The following LGALS7 variants were observed in gnomAD, a reference collection of about 807,000 sequenced individuals.
The protein encoded by LGALS7 is galectin-7.
Under a neutral mutation model 5.7 loss-of-function variants are expected in LGALS7, and 4 were observed. The ratio of observed to expected loss-of-function variants is 0.70; its 90% CI spans 0.34 to 1.60. The LOEUF is 1.60. Among genes scored for constraint, LGALS7 ranks in the 40% most tolerant of loss-of-function variants. The pLI, the probability that LGALS7 is intolerant of heterozygous loss-of-function variation, is 0.05. For missense variants in LGALS7, 12 were observed against 72.7 expected (o/e 0.17, Z 3.04); for synonymous variants, 7 against 33.9 (o/e 0.21, Z 2.76).
intron 1 of LGALS7, 189 bp from the exon 2 acceptor site, chr19:38,773,292 G>C: frequency 4.2e-6 from 1 of 240,492 alleles, no homozygotes; most frequent in African/African-American, 6.6e-5. Flanking sequence ...GAGCAACAAA[G>C]ACAAACAGAA....
In LGALS7 at chr19:38,772,297, G is replaced by A. The variant is rs1568340774; in HGVS notation, c.96-267C>T. Among the ~76,000 whole-genome samples, 2 of 90,284 alleles carry A rather than the reference G, an allele frequency of 2.2e-5. 1 individual carries two copies. The highest frequency in any genetic ancestry group is 9.5e-5 in the African/African-American group (2 of 21,118). The allele number at this position is 90,284 out of a possible 152,430, so 59.2% of individuals were successfully genotyped here. Reference sequence around the variant, plus strand: ...CGAAAGAACAAACAAAACATAAACCGCCCAGACCAAAGTGAAGGTCTTATG... The same window carrying A: ...CGAAAGAACAAACAAAACATAAACCACCCAGACCAAAGTGAAGGTCTTATG... On this transcript the variant is annotated intron_variant, in intron 2 of 3. Coordinates refer to ENST00000378626, the MANE Select transcript of LGALS7 (RefSeq NM_002307.4).
At chr19:38,772,297 GC>G (rs1568340779) in intron 2 of LGALS7, among the ~76,000 whole-genome samples, 1 of 90,284 alleles carries the variant, frequency 1.1e-5, no homozygotes, top group Non-Finnish European at 2.3e-5. Flanking sequence ...AACATAAACC[GC>G]CCAGACCAAA....
Position 38,771,019 on chromosome 19 carries a change from C to CTT in LGALS7, c.*5_*6dup. ...AGCCAAGGCCCCGGGCCCGCCTGGG[C>CTT]TTCTGCTCAGAAGATCCTCACGGAG... On this transcript the variant is annotated 3_prime_UTR_variant, in exon 4 of 4. Transcript: ENST00000378626. 1 of 202,518 alleles carries CTT rather than the reference C, an allele frequency of 4.9e-6. No individual in the cohort carries two copies. Among genetic ancestry groups the CTT allele is most frequent in the South Asian group, 4.2e-5 (1 of 24,074 alleles). The allele number at this position is 202,518 out of a possible 1,614,324, so 12.5% of individuals were successfully genotyped here.
At chr19:38,771,236 GA>G in intron 3 of LGALS7, 97 bp from the exon 4 acceptor site, 1 of 327,548 alleles carries the variant, frequency 3.1e-6, no homozygotes, top group Non-Finnish European at 5.8e-6. Flanking sequence ...TCCTCACTGG[GA>G]AAATGGGGCT....
intron 1 of LGALS7, 38 bp downstream of exon 1, chr19:38,773,449 C>T: frequency 1.3e-6 from 1 of 744,050 alleles, no homozygotes; most frequent in Non-Finnish European, 1.9e-6. Context: ...CCAGCCCCCT[C>T]CCTGCTTGGC....
chr19:38,773,470 G>A lies in LGALS7; in HGVS notation c.6+17C>T, dbSNP rs373123522. 7.9e-4 allele frequency: 774 copies of A among 975,778 alleles called. 2 individuals carry two copies. In the African/African-American group the frequency reaches 0.013, roughly 17 times the overall value. 60.4% of individuals were successfully genotyped at this position (975,778 alleles called of 1,614,324 possible). ...CCCTCCCTGCTTGGCCCCGCCCCGG[G>A]CCCCTGGAGCACTCACGGACATGGC... On this transcript the variant is annotated intron_variant, in intron 1 of 3. Coordinates refer to ENST00000378626, the MANE Select transcript of LGALS7 (RefSeq NM_002307.4).
rs1406353494 is a variant in LGALS7 at position 38,771,959 on chromosome 19, T to C, written c.167A>G (p.Asp56Gly). ...GCTGTTGAAGACCACCTCCGACGTG[T>C]CCAGCCGGGGGTTGAAATGCAGCGC... ...DAALHFNPRL[D>G]TSEVVFNSKE... The change falls in exon 3 of 4, where the codon GAC (aspartate) becomes GGC (glycine). Residue 56 changes from aspartate to glycine, a missense_variant. Asp to Gly is a moderately conservative substitution (Grantham distance 94). This residue lies in a region of LGALS7 where 12 missense variants were observed against 40.3 expected (regional missense o/e 0.30). Coordinates refer to ENST00000378626, the MANE Select transcript of LGALS7 (RefSeq NM_002307.4). The C allele has an allele frequency of 1.3e-5, 14 of 1,062,478 alleles. 5 individuals are homozygous for C. The East Asian group carries it at 3.7e-4, about 28-fold the overall frequency. 65.8% of individuals were successfully genotyped at this position (1,062,478 alleles called of 1,614,324 possible).
At chr19:38,773,371 C>T (rs1244197836) in intron 1 of LGALS7, 116 bp downstream of exon 1, 11 of 370,426 alleles carry the variant, frequency 3.0e-5, no homozygotes, top group Non-Finnish European at 4.5e-5. Context: ...GGGGGTTACC[C>T]GGAGGCCACA....
rs1971096348 is a variant in LGALS7 at position 38,773,392 on chromosome 19, G to C, written c.6+95C>G. The C allele has an allele frequency of 1.1e-5, 5 of 462,792 alleles. No homozygotes were observed. The East Asian group carries it at 1.5e-4, about 14-fold the overall frequency. 28.7% of individuals were successfully genotyped at this position (462,792 alleles called of 1,614,324 possible). A position where few individuals can be genotyped will look rare whatever the true frequency, so the allele number is the denominator to read the frequency against. ...TACCCGGAGGCCACAGCCCAGGCCA[G>C]TCCGTGGCACACTCACTGCCCACTT... On this transcript the variant is annotated intron_variant, in intron 1 of 3. Coordinates refer to ENST00000378626, the MANE Select transcript of LGALS7 (RefSeq NM_002307.4).
chr19:38,773,486 C>G lies in LGALS7; in HGVS notation c.6+1G>C. The G allele has an allele frequency of 9.0e-7, 1 of 1,112,254 alleles. No individual in the cohort carries two copies. The highest frequency in any genetic ancestry group is 1.2e-6 in the Non-Finnish European group (1 of 857,360). The allele number at this position is 1,112,254 out of a possible 1,614,324, so 68.9% of individuals were successfully genotyped here. ...CCGCCCCGGGCCCCTGGAGCACTCA[C>G]GGACATGGCTGGGACCGGGTTGGGC... On this transcript the variant is annotated splice_donor_variant, in intron 1 of 3. Transcript: ENST00000378626. LOFTEE classifies it high-confidence loss of function.
In LGALS7 at chr19:38,771,076, G is replaced by GGCGC. The variant is rs759972524; in HGVS notation, c.357_360dup (p.Leu121AlafsTer32). 1.8e-3 allele frequency: 410 copies of GGCGC among 231,266 alleles called. 58 individuals are homozygous for GGCGC. Among genetic ancestry groups the GGCGC allele is most frequent in the Non-Finnish European group, 2.3e-3 (278 of 122,788 alleles). 14.3% of individuals were successfully genotyped at this position (231,266 alleles called of 1,614,324 possible). On this transcript the variant is annotated frameshift_variant, in exon 4 of 4. Coordinates refer to ENST00000378626, the MANE Select transcript of LGALS7 (RefSeq NM_002307.4). LOFTEE classifies it high-confidence loss of function. Reference sequence around the variant, plus strand: ...TGCACGTCCCCGCCCACCTCCACCAGGCGCACGCGCGCCAGCGGCAGGCGG... The same window carrying GGCGC: ...TGCACGTCCCCGCCCACCTCCACCAGGCGCGCGCACGCGCGCCAGCGGCAGGCGG...
At chr19:38,773,403 A>G in intron 1 of LGALS7, 84 bp downstream of exon 1, 1 of 491,490 alleles carries the variant, frequency 2.0e-6, no homozygotes, top group East Asian at 3.6e-5. Flanking sequence ...TCCGTGGCAC[A>G]CTCACTGCCC....
In LGALS7 at chr19:38,773,374, AG is replaced by A. The variant is rs1417508558; in HGVS notation, c.6+112del. ...GACAGTCGGGATGGGGGTTACCCGG[AG>A]GCCACAGCCCAGGCCAGTCCGTGGC... On this transcript the variant is annotated intron_variant, in intron 1 of 3. Transcript: ENST00000378626. 1.3e-3 allele frequency: 505 copies of A among 374,188 alleles called. 4 individuals carry two copies. The highest frequency in any genetic ancestry group is 0.012 in the African/African-American group (441 of 35,420). The allele number at this position is 374,188 out of a possible 1,614,324, so 23.2% of individuals were successfully genotyped here.
chr19:38,773,429 AGAG>A (rs1971096592), intron 1 of LGALS7, 55 bp downstream of exon 1: 1 of 602,786 alleles, frequency 1.7e-6, no homozygotes, highest in African/African-American at 2.2e-5. Flanking sequence ...CTCCTTTGAA[AGAG>A]GAGCCCCCAG....
chr19:38,771,391 CG>C (rs1490715091), intron 3 of LGALS7, among the ~76,000 whole-genome samples: 1 of 67,672 alleles, frequency 1.5e-5, no homozygotes, highest in Admixed American at 1.4e-4. Context: ...GAGGTGAATT[CG>C]CGTAAGCTGT....
chr19:38,772,410 A>G (rs1175379344), intron 2 of LGALS7, among the ~76,000 whole-genome samples: 1 of 92,702 alleles, frequency 1.1e-5, no homozygotes. Context: ...TAGGCGACTA[A>G]TGACCAGGGA....
chr19:38,773,439 C>T, intron 1 of LGALS7, 48 bp downstream of exon 1: 2 of 671,126 alleles, frequency 3.0e-6, no homozygotes, highest in Non-Finnish European at 4.4e-6. Context: ...AGAGGAGCCC[C>T]CAGCCCCCTC....
chr19:38,773,463 G>A (rs568825735), intron 1 of LGALS7, 24 bp downstream of exon 1: 21,953 of 908,498 alleles, frequency 0.024, 334 homozygotes, highest in Admixed American at 0.062. Context: ...GCTTGGCCCC[G>A]CCCCGGGCCC....
chr19:38,771,997 C>G lies in LGALS7; in HGVS notation c.129G>C (p.Gln43His). The G allele has an allele frequency of 1.9e-6, 2 of 1,055,760 alleles. 1 individual carries two copies. Among genetic ancestry groups the G allele is most frequent in the Admixed American group, 4.9e-5 (2 of 40,664 alleles). The allele number at this position is 1,055,760 out of a possible 1,614,324, so 65.4% of individuals were successfully genotyped here. ...TGAAATGCAGCGCGGCATCGGAGCC[C>G]TGCTCCTCCCCGCACAGCAGGTTTA... ...FHVNLLCGEE[Q>H]GSDAALHFNP... Residue 43 changes from glutamine to histidine, a missense_variant, in exon 3 of 4, where the codon CAG becomes CAC. This residue lies in a region of LGALS7 where 12 missense variants were observed against 40.3 expected (regional missense o/e 0.30). Transcript: ENST00000378626.
Sources: allele counts gnomAD v4.1 joint callset (sites outside exome capture counted in the v4.1 genomes callset), GRCh38; gene constraint gnomAD v4.1.1; regional missense constraint gnomAD v4.1.1; transcripts MANE v1.5; gene names NCBI Gene and HGNC (gene_info 2026-07-23, HGNC 2026-07-21).